ZNF510: variants seen among roughly 807,000 people sequenced by gnomAD.
The protein encoded by ZNF510 is zinc finger protein 510.
In ZNF510, 15 loss-of-function variants were observed where a neutral mutation model predicts 18.1. The ratio of observed to expected loss-of-function variants is 0.83; its 90% CI spans 0.55 to 1.28. ZNF510 has a LOEUF of 1.28. Ranked by LOEUF, ZNF510 falls within the 50% of genes most tolerant of loss-of-function variation. The pLI is 0.00. For synonymous variants in ZNF510, 261 were observed against 266.4 expected, an observed-to-expected ratio of 0.98 and a Z score of 0.20; for missense variants, 724 against 791.8, an observed-to-expected ratio of 0.91 and a Z score of 1.03.
At chr9:96,763,390 T>A in intron 4 of ZNF510, 116 bp downstream of exon 4, 1 of 1,395,326 alleles carries the variant, frequency 7.2e-7, no homozygotes, top group Non-Finnish European at 9.7e-7. Flanking sequence ...TTTGGAATCC[T>A]GAATGAAAAG....
intron 5 of ZNF510, chr9:96,762,881 G>A (rs1849385136): frequency 8.9e-6 from 3 of 337,328 alleles, no homozygotes; most frequent in Admixed American, 4.2e-5. Flanking sequence ...TAAGTTATTT[G>A]CACTACATAC....
rs12006249 is a variant in ZNF510 at position 96,755,501 on chromosome 9, T to G, written c.*3277A>C. On this transcript the variant is annotated 3_prime_UTR_variant, in exon 6 of 6. Transcript: ENST00000223428. ...TCCTATTGTCAATGCATTTTCTTGG[T>G]AAGGCTGCTGGCAGTTCTACAGTTA... Among the ~76,000 whole-genome samples the G allele has an allele frequency of 0.013, 1,914 of 152,292 alleles. 43 individuals carry two copies. Among genetic ancestry groups the G allele is most frequent in the African/African-American group, 0.044 (1,810 of 41,552 alleles).
intron 1 of ZNF510, 175 bp downstream of exon 1, chr9:96,777,859 C>T (rs1458997314): frequency 1.3e-5 from 2 of 152,242 alleles, no homozygotes; most frequent in Admixed American, 1.3e-4. Flanking sequence ...CCACCTAACG[C>T]CCCCGGAGCC....
In ZNF510 at chr9:96,760,405, C is replaced by T. The variant is rs765465322; in HGVS notation, c.425G>A (p.Cys142Tyr). 5 of 1,613,338 alleles carry T rather than the reference C, an allele frequency of 3.1e-6. No homozygotes were observed. Among genetic ancestry groups the T allele is most frequent in the East Asian group, 2.2e-5 (1 of 44,828 alleles). The change falls in exon 6 of 6, where the codon TGT becomes TAT. Residue 142 changes from cysteine (C) to tyrosine (Y), a missense_variant. Coordinates refer to ENST00000223428, the MANE Select transcript of ZNF510 (RefSeq NM_014930.3). ...TGTAGTCAATGTTTTATTATTGATA[C>T]ATATTGCTTGCTCCAAGTGTTTGTC... ...IKDKHLEQAI[C>Y]INNKTLTTEE... is the part of the protein sequence containing the mutation.
chr9:96,765,747 G>A (rs1030396606), intron 3 of ZNF510, among the ~76,000 whole-genome samples: 23 of 152,006 alleles, frequency 1.5e-4, no homozygotes, highest in African/African-American at 5.6e-4. Context: ...TCCTGACCTC[G>A]TGATCCACCC....
Position 96,758,813 on chromosome 9 carries a change from A to T in ZNF510, c.2017T>A (p.Tyr673Asn). 6.3e-7 allele frequency: 1 copy of T among 1,599,148 alleles called. No homozygotes were observed. Among genetic ancestry groups the T allele is most frequent in the Non-Finnish European group, 8.5e-7 (1 of 1,171,944 alleles). Residue 673 changes from tyrosine (Y) to asparagine (N), a missense_variant, in exon 6 of 6, where the codon TAC (tyrosine) becomes AAC (asparagine). Physicochemically the swap from Tyr to Asn is moderately radical, Grantham distance 143. Coordinates refer to ENST00000223428, the MANE Select transcript of ZNF510 (RefSeq NM_014930.3). Reference protein sequence around the residue: ...KLCKKSTLSLYQKIQGEGNPY With the variant: ...KLCKKSTLSLNQKIQGEGNPY ...TTCCCCTCTCCCTGAATTTTCTGGT[A>T]TAAGCTTAGGGTAGACTTCTTACAT...
In ZNF510 at chr9:96,776,044, G is replaced by A; in HGVS notation, c.26C>T (p.Thr9Ile). Residue 9 changes from threonine to isoleucine, a missense_variant, in exon 2 of 6, where the codon ACA (threonine) becomes ATA (isoleucine). Thr to Ile is a moderately conservative substitution (Grantham distance 89). Coordinates refer to ENST00000223428, the MANE Select transcript of ZNF510 (RefSeq NM_014930.3). The part of the protein sequence containing the change: MSPHPEAI[T>I]DCVTLNTVGQ... ...CACAGTGTTCAGTGTCACACAATCTGTGATGGCTTCTGGATGTGGCGACAT... is the reference window on the plus strand; with the variant it reads ...CACAGTGTTCAGTGTCACACAATCTATGATGGCTTCTGGATGTGGCGACAT... The A allele has an allele frequency of 1.2e-6, 2 of 1,608,528 alleles. No homozygotes were observed. The highest frequency in any genetic ancestry group is 1.7e-6 in the Non-Finnish European group (2 of 1,177,350).
chr9:96,771,692 A>C (rs1377946691), intron 3 of ZNF510, among the ~76,000 whole-genome samples: 2 of 152,130 alleles, frequency 1.3e-5, no homozygotes, highest in African/African-American at 4.8e-5. Context: ...TATTGCAAAA[A>C]AAATTTTGCA....
In ZNF510 at chr9:96,759,915, C is replaced by T. The variant is rs1849303647; in HGVS notation, c.915G>A (p.Gly305=). 1.2e-6 allele frequency: 2 copies of T among 1,613,338 alleles called. No individual in the cohort carries two copies. The highest frequency in any genetic ancestry group is 1.7e-6 in the Non-Finnish European group (2 of 1,179,972). The change falls in exon 6 of 6, where the codon GGG becomes GGA. Residue 305 remains glycine, a synonymous_variant. Transcript: ENST00000223428. Reference sequence around the variant, plus strand: ...ATTGATTAAGATGCAGGTGTTTCTTCCCTGTGCCAGTTCTCCTGTGGTCAA... The same window carrying T: ...ATTGATTAAGATGCAGGTGTTTCTTTCCTGTGCCAGTTCTCCTGTGGTCAA... ...TLFDHRRTGT[G]KKHLHLNQCG...
At chr9:96,765,552 T>G (rs1194190225) in intron 3 of ZNF510, among the ~76,000 whole-genome samples, 3 of 151,800 alleles carry the variant, frequency 2.0e-5, no homozygotes, top group African/African-American at 7.3e-5. Context: ...CTTGCTCTGT[T>G]GCCAGGCTGG....
rs781711737 is a variant in ZNF510, at chr9:96,774,803, T to C, written c.114A>G (p.Lys38=). 5 of 1,613,880 alleles carry C rather than the reference T, an allele frequency of 3.1e-6. No individual in the cohort carries two copies. Among genetic ancestry groups the C allele is most frequent in the Non-Finnish European group, 4.2e-6 (5 of 1,179,974 alleles). ...ATTAACTCACCTGAGATATGTTCAT[T>C]TTCTGCTGCTCCTGAAAGAGTGTGG... is the stretch of plus-strand genomic sequence containing the variant. ...RFSTLFQEQQ[K]MNISQASVSF... The change falls in exon 3 of 6, where the codon AAA becomes AAG. Residue 38 remains lysine (K), a synonymous_variant. Transcript: ENST00000223428.
rs963748640 is a variant in ZNF510 at position 96,756,272 on chromosome 9, C to G, written c.*2506G>C. 6.6e-6 allele frequency: 1 copy of G among 152,188 alleles called. No homozygotes were observed. The highest frequency in any genetic ancestry group is 1.5e-5 in the Non-Finnish European group (1 of 68,046). The allele number at this position is 152,188 out of a possible 1,614,324, so 9.4% of individuals were successfully genotyped here. ...CCAGAGCTGAGAACATCCTCGTGCT[C>G]TTTCCACTGAGAGGAGTGACCGCTT... On this transcript the variant is annotated 3_prime_UTR_variant, in exon 6 of 6. Transcript: ENST00000223428.
chr9:96,763,322 C>A, intron 4 of ZNF510, 109 bp from the exon 5 acceptor site: 1 of 1,330,104 alleles, frequency 7.5e-7, no homozygotes, highest in South Asian at 1.3e-5. Context: ...TGCTCCTTTG[C>A]ATTTATCACT....
In ZNF510 at chr9:96,759,361, C is replaced by A; in HGVS notation, c.1469G>T (p.Cys490Phe). The A allele has an allele frequency of 1.9e-6, 3 of 1,614,158 alleles. No individual in the cohort carries two copies. The highest frequency in any genetic ancestry group is 2.5e-6 in the Non-Finnish European group (3 of 1,180,008). ...AACAAAAGTTTTCCCACATTCACTA[C>A]ATTCATAGGGTTTTTCTCCTGTGTG... ...RIHTGEKPYECSECGKTFVQK... is the reference protein window; with the variant it reads ...RIHTGEKPYEFSECGKTFVQK... The change falls in exon 6 of 6, where the codon TGT becomes TTT. Residue 490 changes from cysteine (C) to phenylalanine (F), a missense_variant. Cys to Phe is a radical substitution (Grantham distance 205, BLOSUM62 -2). Transcript: ENST00000223428.
intron 2 of ZNF510, 62 bp from the exon 3 acceptor site, chr9:96,774,908 G>T: frequency 7.0e-7 from 1 of 1,435,098 alleles, no homozygotes; most frequent in Non-Finnish European, 9.8e-7. Flanking sequence ...GCCTACCAAT[G>T]TCATCACACC....
Position 96,759,176 on chromosome 9 carries a change from A to G in ZNF510, c.1654T>C (p.Ser552Pro), listed in dbSNP as rs758649789. 1 of 1,612,848 alleles carries G rather than the reference A, an allele frequency of 6.2e-7. No homozygotes were observed. The highest frequency in any genetic ancestry group is 1.7e-5 in the Admixed American group (1 of 59,872). The change falls in exon 6 of 6, where the codon TCC (serine) becomes CCC (proline). Residue 552 changes from serine (S) to proline (P), a missense_variant. Transcript: ENST00000223428. ...KTYQCNECEK[S>P]FWRKDHLIQH... ...ATGAGATGATCTTTTCGCCAGAAGG[A>G]TTTTTCACATTCATTACACTGGTAA...
rs761788089 is a variant in ZNF510, at chr9:96,774,819, AAG to A, written c.96_97del (p.Phe33SerfsTer90). 3.7e-6 allele frequency: 6 copies of A among 1,614,048 alleles called. No individual in the cohort carries two copies. The highest frequency in any genetic ancestry group is 5.1e-6 in the Non-Finnish European group (6 of 1,180,002). ...TATGTTCATTTTCTGCTGCTCCTGAAAGAGTGTGGAGAACCGTAAAGGATAAC... is the reference window on the plus strand; with the variant it reads ...TATGTTCATTTTCTGCTGCTCCTGAAAGTGTGGAGAACCGTAAAGGATAAC... On this transcript the variant is annotated frameshift_variant, in exon 3 of 6. Transcript: ENST00000223428. LOFTEE classifies it high-confidence loss of function.
rs761589821 is a variant in ZNF510 at position 96,758,748 on chromosome 9, T to C, written c.*30A>G. On this transcript the variant is annotated 3_prime_UTR_variant, in exon 6 of 6. Coordinates refer to ENST00000223428, the MANE Select transcript of ZNF510 (RefSeq NM_014930.3). Reference sequence around the variant, plus strand: ...TCTCTGATATCAAATGGGGTATTCCTTTTGTCAAAAGGATTTTCTAGTTAT... The same window carrying C: ...TCTCTGATATCAAATGGGGTATTCCCTTTGTCAAAAGGATTTTCTAGTTAT... 1.9e-5 allele frequency: 29 copies of C among 1,526,886 alleles called. No homozygotes were observed. The highest frequency in any genetic ancestry group is 4.0e-5 in the South Asian group (3 of 74,478). 94.6% of individuals were successfully genotyped at this position (1,526,886 alleles called of 1,614,324 possible).
At chr9:96,767,737 A>G (rs1849506363) in intron 3 of ZNF510, among the ~76,000 whole-genome samples, 1 of 152,164 alleles carries the variant, frequency 6.6e-6, no homozygotes, top group African/African-American at 2.4e-5. Flanking sequence ...AATCCTCCCA[A>G]CAAAGAAAGG....
Sources: gnomAD v4.1 joint callset for allele counts (sites outside exome capture counted in the v4.1 genomes callset) on GRCh38, gnomAD v4.1.1 for gene constraint, MANE v1.5 for transcripts, NCBI Gene and HGNC (gene_info 2026-07-23, HGNC 2026-07-21) for gene names.